Variants in ARHGAP8 observed in about 807,000 individuals in gnomAD.
The protein encoded by ARHGAP8 is Rho GTPase activating protein 8, also known as rho GTPase-activating protein 8.
In ARHGAP8, 62 loss-of-function variants were observed where a neutral mutation model predicts 46.1. That is an observed-to-expected ratio of 1.34 (90% confidence interval 1.10 to 1.66). The LOEUF (loss-of-function observed/expected upper bound fraction) is 1.66, where lower values mean the gene tolerates loss of function less well. ARHGAP8 is among the 40% of genes most tolerant of loss of function. The probability of loss-of-function intolerance (pLI) is 0.00; values close to 1 mark genes in which losing one functional copy is unlikely to be tolerated. For missense variants in ARHGAP8, 923 were observed against 568.4 expected, an observed-to-expected ratio of 1.62 and a Z score of -6.34; for synonymous variants, 375 against 243.1, an observed-to-expected ratio of 1.54 and a Z score of -5.05.
chr22:44,775,689 A>C (rs1926370962), intron 1 of ARHGAP8, among the ~76,000 whole-genome samples: 1 of 152,098 alleles, frequency 6.6e-6, no homozygotes, highest in African/African-American at 2.4e-5. Flanking sequence ...ACCTCAGGTT[A>C]TCCACCCACC....
intron 7 of ARHGAP8, among the ~76,000 whole-genome samples, chr22:44,837,506 G>A (rs888078577): frequency 7.9e-5 from 12 of 152,188 alleles, no homozygotes; most frequent in East Asian, 5.8e-4. Context: ...TTGCTGAGAC[G>A]TGACCCTGGC....
intron 2 of ARHGAP8, among the ~76,000 whole-genome samples, chr22:44,787,032 A>AC (rs1555911043): frequency 3.8e-5 from 3 of 78,976 alleles, no homozygotes; most frequent in Admixed American, 1.3e-4. Context: ...CCTGTCTCAA[A>AC]AAAACAAAAA....
In ARHGAP8 at chr22:44,833,101, T is replaced by TTTTCTTTTCTTTTC. The variant is rs1569169226; in HGVS notation, c.596+7511_596+7512insCTTTTCTTTTCTTT. Among the ~76,000 whole-genome samples, 222 of 56,580 alleles carry TTTTCTTTTCTTTTC rather than the reference T, an allele frequency of 3.9e-3. 1 individual carries two copies. The highest frequency in any genetic ancestry group is 0.014 in the African/African-American group (206 of 15,154). The allele number at this position is 56,580 out of a possible 152,430, so 37.1% of individuals were successfully genotyped here. Reference sequence around the variant, plus strand: ...TTTTTCTTTTCTTTTCTTTTCTTTTTTTTTTTTTTTTTTGAGATAGAGTCT... The same window carrying TTTTCTTTTCTTTTC: ...TTTTTCTTTTCTTTTCTTTTCTTTTTTTTCTTTTCTTTTCTTTTTTTTTTTTTGAGATAGAGTCT... On this transcript the variant is annotated intron_variant, in intron 7 of 11. Transcript: ENST00000356099.
chr22:44,756,708 T>C (rs1377966848), intron 1 of ARHGAP8, among the ~76,000 whole-genome samples: 1 of 151,638 alleles, frequency 6.6e-6, no homozygotes. Flanking sequence ...GCTCCATAAA[T>C]ACTGTAAGTT....
At chr22:44,817,817 A>G (rs1269134713) in intron 5 of ARHGAP8, among the ~76,000 whole-genome samples, 1 of 151,854 alleles carries the variant, frequency 6.6e-6, no homozygotes, top group Non-Finnish European at 1.5e-5. Flanking sequence ...CAAAAAACAG[A>G]GAAAAGTCCT....
chr22:44,761,830 G>T (rs769961620), intron 1 of ARHGAP8, among the ~76,000 whole-genome samples: 34 of 152,252 alleles, frequency 2.2e-4, no homozygotes, highest in Non-Finnish European at 4.4e-5. Context: ...CATGGTGGAA[G>T]TGAAGGAAGA....
At chr22:44,772,413 C>G (rs1340371150) in intron 1 of ARHGAP8, among the ~76,000 whole-genome samples, 1 of 144,878 alleles carries the variant, frequency 6.9e-6, no homozygotes, top group South Asian at 2.2e-4. Context: ...TGGTCTCGGA[C>G]TCCTGACCTC....
intron 7 of ARHGAP8, among the ~76,000 whole-genome samples, chr22:44,839,360 C>T (rs920780495): frequency 2.0e-5 from 3 of 152,220 alleles, no homozygotes; most frequent in Admixed American, 6.5e-5. Flanking sequence ...TGCCATGAAA[C>T]CAAACCACCC....
chr22:44,829,011 G>C (rs955377463), intron 7 of ARHGAP8, among the ~76,000 whole-genome samples: 2 of 150,682 alleles, frequency 1.3e-5, no homozygotes, highest in South Asian at 4.2e-4. Context: ...GGTGGCTCAT[G>C]CCTGTAATCC....
intron 11 of ARHGAP8, 69 bp from the exon 12 acceptor site, chr22:44,862,206 G>GGGAGGGAGTTCC (rs1569190918): frequency 1.3e-6 from 2 of 1,524,494 alleles, no homozygotes; most frequent in African/African-American, 2.8e-5. Flanking sequence ...CCCTAAGTTC[G>GGGAGGGAGTTCC]GGAGGGAGTT....
chr22:44,837,238 C>G (rs1490062164), intron 7 of ARHGAP8, among the ~76,000 whole-genome samples: 1 of 152,136 alleles, frequency 6.6e-6, no homozygotes, highest in African/African-American at 2.4e-5. Context: ...TCCTCGCATG[C>G]AAAACCAGAG....
At chr22:44,781,029 T>C (rs1926808158) in intron 1 of ARHGAP8, among the ~76,000 whole-genome samples, 1 of 152,192 alleles carries the variant, frequency 6.6e-6, no homozygotes. Flanking sequence ...CAGACTCCCG[T>C]GCACGTGTGT....
At chr22:44,855,816 C>T (rs947007260) in intron 10 of ARHGAP8, among the ~76,000 whole-genome samples, 5 of 152,044 alleles carry the variant, frequency 3.3e-5, no homozygotes, top group South Asian at 2.1e-4. Flanking sequence ...CAGCTGTCGC[C>T]GAGTCTGTGT....
chr22:44,780,727 C>T (rs894988325), intron 1 of ARHGAP8, among the ~76,000 whole-genome samples: 2 of 152,214 alleles, frequency 1.3e-5, no homozygotes, highest in Admixed American at 6.5e-5. Context: ...GCCCTGCCCT[C>T]ACCCCCACCA....
At position 44,763,960 on chromosome 22, in the gene ARHGAP8, G is replaced by A. The variant is rs555595857; in HGVS notation, c.-72+11333G>A. On this transcript the variant is annotated intron_variant, in intron 1 of 11. Coordinates refer to ENST00000356099, the MANE Select transcript of ARHGAP8 (RefSeq NM_181335.3). ...CCAGCAGCTGGGAGTACAGGTGCCC[G>A]CCACCACGCCTGGCTAATTTTTTTT... Among the ~76,000 whole-genome samples the A allele has an allele frequency of 2.4e-4, 36 of 151,858 alleles. 1 individual carries two copies. The highest frequency in any genetic ancestry group is 9.7e-5 in the African/African-American group (4 of 41,328).
intron 6 of ARHGAP8, among the ~76,000 whole-genome samples, chr22:44,823,100 A>G (rs1471028590): frequency 6.6e-6 from 1 of 152,256 alleles, no homozygotes; most frequent in African/African-American, 2.4e-5. Flanking sequence ...AAGTACGTGC[A>G]GGGAAGGCTG....
chr22:44,788,693 C>G (rs555814975), intron 2 of ARHGAP8, among the ~76,000 whole-genome samples: 67 of 152,160 alleles, frequency 4.4e-4, no homozygotes, highest in Non-Finnish European at 7.1e-4. Context: ...CCATGCTGGC[C>G]GGTTATTATT....
At chr22:44,761,725 C>T (rs567144327) in intron 1 of ARHGAP8, among the ~76,000 whole-genome samples, 51 of 152,192 alleles carry the variant, frequency 3.4e-4, no homozygotes, top group Admixed American at 2.0e-3. Context: ...TCAATTTTTA[C>T]GCTGCTGATA....
chr22:44,850,052 TTGAG>T (rs987816736), intron 10 of ARHGAP8: 16 of 152,040 alleles, frequency 1.1e-4, no homozygotes, highest in Admixed American at 9.8e-4. Context: ...GGTGCGGGCT[TTGAG>T]TGATGTGAGA....
Sources: gnomAD v4.1 joint callset for allele counts (sites outside exome capture counted in the v4.1 genomes callset) on GRCh38, gnomAD v4.1.1 for gene constraint, MANE v1.5 for transcripts, NCBI Gene and HGNC (gene_info 2026-07-23, HGNC 2026-07-21) for gene names.